The following COLGALT1 variants were observed in gnomAD, a reference collection of about 807,000 sequenced individuals.
COLGALT1 encodes collagen beta(1-O)galactosyltransferase 1, also known as procollagen galactosyltransferase 1.
A neutral mutation model predicts 60.8 loss-of-function variants in COLGALT1; 43 were observed. The observed-to-expected ratio is 0.71, with a 90% CI of 0.55 to 0.91. COLGALT1 has a LOEUF of 0.91. Ranked by LOEUF, COLGALT1 falls within the 40% of genes least tolerant of loss-of-function variation. The probability of loss-of-function intolerance (pLI) is 0.00; values close to 1 mark genes in which losing one functional copy is unlikely to be tolerated. For missense variants in COLGALT1, 845 were observed against 880.0 expected (o/e 0.96, Z 0.50); for synonymous variants, 369 against 374.2 (o/e 0.99, Z 0.16).
Position 17,560,481 on chromosome 19 carries a change from G to T in COLGALT1, c.489+16G>T, listed in dbSNP as rs373262114. On this transcript the variant is annotated intron_variant, in intron 3 of 11. Transcript: ENST00000252599. ...TTACATCCTGGTAAGTTTCTCAGCC[G>T]GCCGGATATGGATCACAGGCAGGTC... The T allele has an allele frequency of 5.0e-6, 8 of 1,599,340 alleles. No individual in the cohort carries two copies. Among genetic ancestry groups the T allele is most frequent in the Middle Eastern group, 1.7e-4 (1 of 6,054 alleles).
At position 17,555,853 on chromosome 19, in the gene COLGALT1, C is replaced by T. The variant is rs2076207404; in HGVS notation, c.140C>T (p.Ser47Leu). 7.3e-7 allele frequency: 1 copy of T among 1,361,180 alleles called. No individual in the cohort carries two copies. The highest frequency in any genetic ancestry group is 1.6e-5 in the South Asian group (1 of 61,834). The allele number at this position is 1,361,180 out of a possible 1,614,324, so 84.3% of individuals were successfully genotyped here. A position where few individuals can be genotyped will look rare whatever the true frequency, so the allele number is the denominator to read the frequency against. ...CCCGAGGAGCGCTGGAGCCCGGAGT[C>T]GCCCCTGCAGGCGCCGCGCGTGCTC... ...YFPEERWSPE[S>L]PLQAPRVLIA... The change falls in exon 1 of 12, where the codon TCG becomes TTG. Residue 47 changes from serine (S) to leucine (L), a missense_variant. Transcript: ENST00000252599.
At chr19:17,578,551 C>T (rs182472114) in intron 9 of COLGALT1, among the ~76,000 whole-genome samples, 2 of 152,238 alleles carry the variant, frequency 1.3e-5, no homozygotes, top group Admixed American at 6.5e-5. Flanking sequence ...GACTAGGCTT[C>T]GAACTTGGGC....
intron 11 of COLGALT1, 66 bp downstream of exon 11, chr19:17,580,971 G>A: frequency 6.4e-7 from 1 of 1,573,358 alleles, no homozygotes; most frequent in Non-Finnish European, 8.7e-7. Flanking sequence ...GAATGGGGAT[G>A]TGAGACTCAC....
chr19:17,569,704 C>T lies in COLGALT1; in HGVS notation c.829+991C>T, dbSNP rs188370214. ...CGCCCACCTCGGCCTCCCAAAGTGC[C>T]GGGATTACAGGAGGGAGCCACTGCA... On this transcript the variant is annotated intron_variant, in intron 5 of 11. Transcript: ENST00000252599. Among the ~76,000 whole-genome samples, 334 of 150,688 alleles carry T rather than the reference C, an allele frequency of 2.2e-3. 1 individual carries two copies. Among genetic ancestry groups the T allele is most frequent in the African/African-American group, 7.9e-3 (326 of 41,066 alleles).
At chr19:17,571,389 C>T (rs1233254173) in intron 5 of COLGALT1, among the ~76,000 whole-genome samples, 1 of 151,796 alleles carries the variant, frequency 6.6e-6, no homozygotes, top group South Asian at 2.1e-4. Flanking sequence ...GCCTGGGCGA[C>T]AGAGCGAGAC....
chr19:17,579,069 G>C (rs1265353559), intron 9 of COLGALT1, among the ~76,000 whole-genome samples: 2 of 152,034 alleles, frequency 1.3e-5, no homozygotes, highest in African/African-American at 4.8e-5. Flanking sequence ...CAGCTGCTCA[G>C]GAGGCTGAGG....
intron 3 of COLGALT1, among the ~76,000 whole-genome samples, chr19:17,560,833 A>G (rs1277092506): frequency 1.3e-5 from 2 of 151,708 alleles, no homozygotes; most frequent in African/African-American, 2.4e-5. Context: ...CCTGGGTTCA[A>G]GCGATTCCCG....
At chr19:17,567,101 C>T (rs1224759675) in intron 3 of COLGALT1, among the ~76,000 whole-genome samples, 3 of 151,630 alleles carry the variant, frequency 2.0e-5, no homozygotes, top group East Asian at 3.9e-4. Context: ...GGTGACAGAG[C>T]GAGACTCCGT....
At chr19:17,567,264 G>A (rs1314370821) in intron 3 of COLGALT1, 142 bp from the exon 4 acceptor site, 2 of 1,084,700 alleles carry the variant, frequency 1.8e-6, no homozygotes, top group Non-Finnish European at 2.6e-6. Context: ...CCAAAACGGG[G>A]TCCCTGCTTC....
intron 4 of COLGALT1, among the ~76,000 whole-genome samples, 167 bp from the exon 5 acceptor site, chr19:17,568,342 C>T (rs2076291221): frequency 6.6e-6 from 1 of 152,170 alleles, no homozygotes; most frequent in South Asian, 2.1e-4. Context: ...ATTGGCCATG[C>T]CTGGCCACAG....
chr19:17,556,207 A>AGCC (rs1189351218), intron 1 of COLGALT1, among the ~76,000 whole-genome samples: 1 of 152,142 alleles, frequency 6.6e-6, no homozygotes, highest in Admixed American at 6.5e-5. Flanking sequence ...GGCCAGACAC[A>AGCC]GCCCTCCCCA....
chr19:17,578,706 C>T (rs953934219), intron 9 of COLGALT1, among the ~76,000 whole-genome samples: 2 of 152,088 alleles, frequency 1.3e-5, no homozygotes, highest in South Asian at 2.1e-4. Context: ...AGAGCAAAAC[C>T]GTGTCTCAGA....
intron 9 of COLGALT1, among the ~76,000 whole-genome samples, chr19:17,579,255 A>G (rs2076363704): frequency 6.6e-6 from 1 of 152,024 alleles, no homozygotes; most frequent in African/African-American, 2.4e-5. Context: ...CGGGAGGTGC[A>G]TGAGGCGTGG....
intron 5 of COLGALT1, 43 bp from the exon 6 acceptor site, chr19:17,572,427 AGCCACTGGGCCTC>A: frequency 6.2e-7 from 1 of 1,610,844 alleles, no homozygotes; most frequent in Non-Finnish European, 8.5e-7. Context: ...GGAAGGCATG[AGCCACTGGGCCTC>A]GCCTGTTTTT....
In COLGALT1 at chr19:17,568,552, G is replaced by A. The variant is rs1002620025; in HGVS notation, c.668G>A (p.Arg223Gln). 8.1e-6 allele frequency: 13 copies of A among 1,614,076 alleles called. No individual in the cohort carries two copies. In the South Asian group the frequency reaches 9.9e-5, roughly 12 times the overall value. ...RTPAYIPIRK[R>Q]DRRGCFAVPM... The stretch of plus-strand genomic sequence containing the variant: ...CCTGCCTACATCCCTATCCGCAAGC[G>A]AGACCGCCGGGGCTGCTTTGCAGTT... The change falls in exon 5 of 12, where the codon CGA (arginine) becomes CAA (glutamine). Residue 223 changes from arginine (R) to glutamine (Q), a missense_variant. Arg to Gln is a conservative substitution (Grantham distance 43). Transcript: ENST00000252599.
intron 6 of COLGALT1, chr19:17,576,970 G>T: frequency 1.7e-6 from 1 of 592,048 alleles, no homozygotes; most frequent in Non-Finnish European, 3.0e-6. Flanking sequence ...ACTGGGGGCG[G>T]GGTGAAGCTG....
chr19:17,564,383 TAC>T (rs2076268223), intron 3 of COLGALT1, among the ~76,000 whole-genome samples: 1 of 150,362 alleles, frequency 6.7e-6, no homozygotes, highest in Admixed American at 6.7e-5. Flanking sequence ...AATATAGATA[TAC>T]ATATGAAACA....
At chr19:17,561,218 C>G (rs568809446) in intron 3 of COLGALT1, among the ~76,000 whole-genome samples, 4 of 151,404 alleles carry the variant, frequency 2.6e-5, no homozygotes, top group African/African-American at 7.3e-5. Flanking sequence ...TAAATAAATA[C>G]ATAAATAAAT....
chr19:17,569,755 C>T (rs1163273202), intron 5 of COLGALT1, among the ~76,000 whole-genome samples: 1 of 151,728 alleles, frequency 6.6e-6, no homozygotes. Context: ...TAATTTTCTA[C>T]AGTTGAGCAT....
Sources: gnomAD v4.1 joint callset for allele counts (sites outside exome capture counted in the v4.1 genomes callset) on GRCh38, gnomAD v4.1.1 for gene constraint, MANE v1.5 for transcripts, NCBI Gene and HGNC (gene_info 2026-07-23, HGNC 2026-07-21) for gene names.